The following FRMD7 variants were observed in gnomAD, a reference collection of about 807,000 sequenced individuals.
FRMD7 encodes FERM domain containing 7.
A neutral mutation model predicts 44.1 loss-of-function variants in FRMD7; 14 were observed. The observed-to-expected ratio is 0.32, with a 90% CI of 0.21 to 0.50. The LOEUF (loss-of-function observed/expected upper bound fraction) is 0.50. Among genes scored for constraint, FRMD7 ranks in the 20% least tolerant of loss-of-function variants. The pLI is 0.99. For missense variants in FRMD7, 501 were observed against 522.3 expected (o/e 0.96, Z 0.40); for synonymous variants, 212 against 187.4 (o/e 1.13, Z -1.07).
At chrX:132,102,769 A>C (rs1203488391) in intron 1 of FRMD7, among the ~76,000 whole-genome samples, 1 of 112,114 alleles carries the variant, frequency 8.9e-6, no homozygotes, top group African/African-American at 3.2e-5. Context: ...TAAGAAGCTC[A>C]AGATTTTCCT....
intron 5 of FRMD7, among the ~76,000 whole-genome samples, chrX:132,088,257 G>GA (rs1003656587): frequency 8.9e-6 from 1 of 112,511 alleles, no homozygotes; most frequent in African/African-American, 3.2e-5. Context: ...CCTGCATGTA[G>GA]AAAATCCCAA....
intron 6 of FRMD7, 24 bp downstream of exon 6, chrX:132,085,896 C>A (rs966851042): frequency 1.9e-6 from 2 of 1,063,321 alleles, no homozygotes; most frequent in African/African-American, 3.7e-5. Flanking sequence ...CTGGGGGAAG[C>A]AGGTGCCAGC....
chrX:132,085,736 G>A lies in FRMD7; in HGVS notation c.498-8C>T. 8.3e-7 allele frequency: 1 copy of A among 1,206,213 alleles called. No individual in the cohort carries two copies. The highest frequency in any genetic ancestry group is 3.0e-5 in the East Asian group (1 of 33,798). On this transcript the variant is annotated splice_polypyrimidine_tract_variant and splice_region_variant and intron_variant, in intron 6 of 11. Transcript: ENST00000298542. ...TCAGCTGGGCTCCTGCCACTGAAAG[G>A]GGAAAGAATTTATGAGCCTAATAAA...
chrX:132,119,584 C>A (rs1459760271), intron 1 of FRMD7, among the ~76,000 whole-genome samples: 1 of 111,248 alleles, frequency 9.0e-6, no homozygotes, highest in Admixed American at 9.5e-5. Context: ...GGCCCCACAC[C>A]TTGGACCCAG....
chrX:132,086,909 C>T (rs989009244), intron 5 of FRMD7, among the ~76,000 whole-genome samples: 1 of 112,174 alleles, frequency 8.9e-6, no homozygotes, highest in East Asian at 2.8e-4. Context: ...AAATCCCCAG[C>T]TATCTGAAAT....
intron 4 of FRMD7, among the ~76,000 whole-genome samples, chrX:132,095,031 T>G (rs1928285949): frequency 9.0e-6 from 1 of 110,624 alleles, no homozygotes; most frequent in Admixed American, 9.7e-5. Context: ...AATTACCTTC[T>G]TCCATGGTCC....
intron 7 of FRMD7, 88 bp from the exon 8 acceptor site, chrX:132,084,673 T>A (rs1179610066): frequency 3.5e-6 from 2 of 569,877 alleles, no homozygotes; most frequent in African/African-American, 4.5e-5. Flanking sequence ...ATGCACTTAA[T>A]GAGAGGGACC....
In FRMD7 at chrX:132,077,717, A is replaced by C; in HGVS notation, c.*155T>G. 1.4e-3 allele frequency: 857 copies of C among 613,055 alleles called. No individual in the cohort carries two copies. The highest frequency in any genetic ancestry group is 1.8e-3 in the Non-Finnish European group (721 of 403,301). 50.5% of individuals were successfully genotyped at this position (613,055 alleles called of 1,213,427 possible). A position where few individuals can be genotyped will look rare whatever the true frequency, so the allele number is the denominator to read the frequency against. On this transcript the variant is annotated 3_prime_UTR_variant, in exon 12 of 12. Coordinates refer to ENST00000298542, the MANE Select transcript of FRMD7 (RefSeq NM_194277.3). ...AGAGTGAAACTCAAGGAATGAGGCAACAGCTGGATCTTTCATAAGGCAGGC... is the reference window on the plus strand; with the variant it reads ...AGAGTGAAACTCAAGGAATGAGGCACCAGCTGGATCTTTCATAAGGCAGGC...
At chrX:132,120,473 C>T (rs1325221030) in intron 1 of FRMD7, among the ~76,000 whole-genome samples, 1 of 112,985 alleles carries the variant, frequency 8.9e-6, no homozygotes, top group Non-Finnish European at 1.9e-5. Context: ...GAGATTCCCA[C>T]GAGTGCAGAC....
At chrX:132,117,541 G>GT (rs1195725753) in intron 1 of FRMD7, among the ~76,000 whole-genome samples, 4 of 110,323 alleles carry the variant, frequency 3.6e-5, no homozygotes, top group South Asian at 3.8e-4. Flanking sequence ...TTTTTTGTTT[G>GT]TTTTTTTGGC....
At chrX:132,099,610 C>A in intron 2 of FRMD7, 100 bp from the exon 3 acceptor site, 1 of 585,803 alleles carries the variant, frequency 1.7e-6, no homozygotes, top group Non-Finnish European at 2.8e-6. Context: ...AAATGAGTAC[C>A]AGGACTATTT....
chrX:132,088,048 CAAGGAATATACCA>C (rs1199317015), intron 5 of FRMD7, among the ~76,000 whole-genome samples: 1 of 112,030 alleles, frequency 8.9e-6, no homozygotes, highest in East Asian at 2.8e-4. Context: ...ACTTAACAAA[CAAGGAATATACCA>C]AATGGTGAGA....
At chrX:132,097,427 ACC>A (rs57806249) in intron 3 of FRMD7, 83 bp from the exon 4 acceptor site, 30 of 543,254 alleles carry the variant, frequency 5.5e-5, no homozygotes, top group East Asian at 1.1e-4. Context: ...ACACACACAC[ACC>A]CACACACACA....
rs376297829 is a variant in FRMD7 at position 132,097,260 on chromosome X, C to T, written c.284+6G>A. Reference sequence around the variant, plus strand: ...TCATGCAGAGACACACAGGTAATCACTATACCTTGTAAGTTCTTCCCGCAG... The same window carrying T: ...TCATGCAGAGACACACAGGTAATCATTATACCTTGTAAGTTCTTCCCGCAG... On this transcript the variant is annotated splice_donor_region_variant and intron_variant, in intron 4 of 11. Transcript: ENST00000298542. The T allele has an allele frequency of 1.6e-4, 176 of 1,134,489 alleles. 1 individual carries two copies. Among genetic ancestry groups the T allele is most frequent in the Non-Finnish European group, 1.9e-4 (155 of 826,395 alleles). The allele number at this position is 1,134,489 out of a possible 1,213,427, so 93.5% of individuals were successfully genotyped here.
intron 1 of FRMD7, among the ~76,000 whole-genome samples, chrX:132,124,734 G>A (rs755496548): frequency 8.9e-6 from 1 of 111,827 alleles, no homozygotes; most frequent in Non-Finnish European, 1.9e-5. Context: ...AGAAAGCGGA[G>A]TTGTCAATCA....
intron 5 of FRMD7, among the ~76,000 whole-genome samples, 184 bp from the exon 6 acceptor site, chrX:132,086,218 A>T (rs1462699558): frequency 3.6e-5 from 4 of 110,597 alleles, no homozygotes; most frequent in African/African-American, 1.3e-4. Context: ...GGGGGGGGCA[A>T]TTGGCTCTTT....
chrX:132,120,013 AGTCTCCAGGC>A (rs1175517002), intron 1 of FRMD7, among the ~76,000 whole-genome samples: 1 of 111,387 alleles, frequency 9.0e-6, no homozygotes, highest in Non-Finnish European at 1.9e-5. Context: ...CTGGGCTGGC[AGTCTCCAGGC>A]TCTTTTAGGA....
chrX:132,109,341 T>A (rs1322239138), intron 1 of FRMD7, among the ~76,000 whole-genome samples: 1 of 112,122 alleles, frequency 8.9e-6, no homozygotes, highest in East Asian at 2.8e-4. Context: ...TCCTTTAGTA[T>A]GCTTTTTACT....
intron 4 of FRMD7, 197 bp from the exon 5 acceptor site, chrX:132,094,336 A>ACACTTT: frequency 2.4e-6 from 1 of 420,914 alleles, no homozygotes; most frequent in Non-Finnish European, 4.2e-6. Context: ...AGCTGATTGA[A>ACACTTT]CACTTTGGCA....
Sources: allele counts gnomAD v4.1 joint callset (sites outside exome capture counted in the v4.1 genomes callset), GRCh38; gene constraint gnomAD v4.1.1; transcripts MANE v1.5; gene names NCBI Gene and HGNC (gene_info 2026-07-23, HGNC 2026-07-21).